The following OAS1 variants were observed in gnomAD, a reference collection of about 807,000 sequenced individuals.
OAS1 encodes the protein 2'-5'-oligoadenylate synthase 1.
A neutral mutation model predicts 38.5 loss-of-function variants in OAS1; 24 were observed. The ratio of observed to expected loss-of-function variants is 0.62; its 90% CI spans 0.45 to 0.88. The LOEUF is 0.88. Ranked by LOEUF, OAS1 falls within the 40% of genes least tolerant of loss-of-function variation. The pLI, the probability that OAS1 is intolerant of heterozygous loss-of-function variation, is 0.00. For synonymous variants in OAS1, 169 were observed against 193.9 expected (o/e 0.87, Z 1.07); for missense variants, 482 against 493.9 (o/e 0.98, Z 0.23).
Position 112,907,104 on chromosome 12 carries a change from C to T in OAS1, c.65C>T (p.Pro22Leu), listed in dbSNP as rs370284276. ...LDKFIEDYLL[P>L]DTCFRMQINH... ...AAGTTCATTGAAGACTATCTCTTGC[C>T]AGACACGTGTTTCCGCATGCAAATC... is the stretch of plus-strand genomic sequence containing the variant. The change falls in exon 1 of 6, where the codon CCA becomes CTA. Residue 22 changes from proline to leucine, a missense_variant. Transcript: ENST00000202917. 7 of 1,614,106 alleles carry T rather than the reference C, an allele frequency of 4.3e-6. No homozygotes were observed. The African/African-American group carries it at 9.3e-5, about 22-fold the overall frequency.
At chr12:112,929,382 G>T (rs2043583313) in intron 6 of OAS1, among the ~76,000 whole-genome samples, 1 of 152,078 alleles carries the variant, frequency 6.6e-6, no homozygotes, top group Admixed American at 6.5e-5. Flanking sequence ...TCTCTCCAGG[G>T]CAATCTCTTT....
Position 112,908,802 on chromosome 12 carries a change from G to A in OAS1, c.447G>A (p.Val149=). 6.3e-7 allele frequency: 1 copy of A among 1,599,966 alleles called. No homozygotes were observed. The highest frequency in any genetic ancestry group is 8.5e-7 in the Non-Finnish European group (1 of 1,170,786). The change falls in exon 2 of 6, where the codon GTG becomes GTA. Residue 149 remains valine, a synonymous_variant. Coordinates refer to ENST00000202917, the MANE Select transcript of OAS1 (RefSeq NM_016816.4). ...TCGGGGAGGGGGTGGAGTTCGATGTGCTGCCTGCCTTTGATGCCCTGGGTG... is the reference window on the plus strand; with the variant it reads ...TCGGGGAGGGGGTGGAGTTCGATGTACTGCCTGCCTTTGATGCCCTGGGTG... ...LQLGEGVEFD[V]LPAFDALGQL...
At chr12:112,921,156 T>C (rs546848763), downstream of OAS1, among the ~76,000 whole-genome samples, 1 of 152,338 alleles carries the variant, frequency 6.6e-6, no homozygotes, top group East Asian at 1.9e-4. Context: ...TAGACTGGAT[T>C]AGATGATGCC....
At chr12:112,931,341 C>A (rs1436102726) in intron 6 of OAS1, among the ~76,000 whole-genome samples, 1 of 152,208 alleles carries the variant, frequency 6.6e-6, no homozygotes, top group Non-Finnish European at 1.5e-5. Flanking sequence ...TGGAGTCCGA[C>A]TGCCTGGGTT....
intron 6 of OAS1, among the ~76,000 whole-genome samples, chr12:112,929,732 C>G (rs917393532): frequency 6.6e-6 from 1 of 152,128 alleles, no homozygotes; most frequent in Non-Finnish European, 1.5e-5. Context: ...TGTCTTCTCA[C>G]CCAGGCAAGA....
chr12:112,931,760 C>T, intron 6 of OAS1: 1 of 548,134 alleles, frequency 1.8e-6, no homozygotes, highest in Non-Finnish European at 3.2e-6. Flanking sequence ...ACAAATAAGA[C>T]CTAGGGTCTC....
In OAS1 at chr12:112,919,846, T is replaced by C. The variant is rs1161029367; in HGVS notation, c.*293T>C. On this transcript the variant is annotated 3_prime_UTR_variant, in exon 6 of 6. Transcript: ENST00000202917. ...CAGCCTTGACTTTCTTCTGTGCACC[T>C]GATGGGAGGGTAATGTCTAATGTAT... 2 of 974,706 alleles carry C rather than the reference T, an allele frequency of 2.1e-6. No individual in the cohort carries two copies. The highest frequency in any genetic ancestry group is 1.5e-6 in the Non-Finnish European group (1 of 679,762). The allele number at this position is 974,706 out of a possible 1,614,324, so 60.4% of individuals were successfully genotyped here.
chr12:112,917,258 G>C (rs2043473662), intron 4 of OAS1, among the ~76,000 whole-genome samples: 1 of 152,148 alleles, frequency 6.6e-6, no homozygotes, highest in Non-Finnish European at 1.5e-5. Context: ...TTACAGATAA[G>C]AATCCTGAGG....
intron 6 of OAS1, among the ~76,000 whole-genome samples, chr12:112,927,653 G>T (rs563891673): frequency 6.6e-6 from 1 of 152,292 alleles, no homozygotes; most frequent in Admixed American, 6.5e-5. Context: ...TGATGAATTA[G>T]TTAGGATAAC....
chr12:112,928,378 G>A (rs181588206), intron 6 of OAS1, among the ~76,000 whole-genome samples: 1 of 152,330 alleles, frequency 6.6e-6, no homozygotes, highest in East Asian at 1.9e-4. Context: ...TTTCTTGAGA[G>A]AAGAGATTTA....
intron 3 of OAS1, among the ~76,000 whole-genome samples, chr12:112,912,233 G>A (rs1241714419): frequency 2.6e-5 from 4 of 152,224 alleles, no homozygotes; most frequent in African/African-American, 9.6e-5. Flanking sequence ...CCAGCTACTG[G>A]GTAGGCTGAG....
chr12:112,925,603 A>G (rs6489866), intron 6 of OAS1, among the ~76,000 whole-genome samples: 113,074 of 152,044 alleles, frequency 0.74, 43,348 homozygotes, highest in African/African-American at 0.94. Context: ...CCTGGGTAAC[A>G]TAGTGAGACC....
In OAS1 at chr12:112,907,004, T is replaced by A; in HGVS notation, c.-36T>A. 1.2e-6 allele frequency: 2 copies of A among 1,611,716 alleles called. No individual in the cohort carries two copies. Among genetic ancestry groups the A allele is most frequent in the Non-Finnish European group, 1.7e-6 (2 of 1,177,910 alleles). ...CAGAAGAGATAAAAGCAAACAGGTC[T>A]GGGAGGCAGTTCTGTTGCCACTCTC... is the stretch of plus-strand genomic sequence containing the variant. On this transcript the variant is annotated 5_prime_UTR_variant, in exon 1 of 6. Transcript: ENST00000202917.
At chr12:112,921,059 C>G (rs530475746), downstream of OAS1, among the ~76,000 whole-genome samples, 1 of 152,208 alleles carries the variant, frequency 6.6e-6, no homozygotes, top group African/African-American at 2.4e-5. Context: ...GAACCAGAAG[C>G]ATCAATGTCC....
intron 4 of OAS1, chr12:112,917,046 C>A (rs2136319668): frequency 5.4e-6 from 2 of 372,400 alleles, no homozygotes; most frequent in South Asian, 3.5e-5. Flanking sequence ...AGAACAGCAG[C>A]AACAACAATG....
In OAS1 at chr12:112,919,849, T is replaced by A; in HGVS notation, c.*296T>A. Reference sequence around the variant, plus strand: ...CCTTGACTTTCTTCTGTGCACCTGATGGGAGGGTAATGTCTAATGTATTAT... The same window carrying A: ...CCTTGACTTTCTTCTGTGCACCTGAAGGGAGGGTAATGTCTAATGTATTAT... On this transcript the variant is annotated 3_prime_UTR_variant, in exon 6 of 6. Coordinates refer to ENST00000202917, the MANE Select transcript of OAS1 (RefSeq NM_016816.4). 1.0e-6 allele frequency: 1 copy of A among 953,358 alleles called. No homozygotes were observed. The highest frequency in any genetic ancestry group is 1.7e-5 in the African/African-American group (1 of 60,578). 59.1% of individuals were successfully genotyped at this position (953,358 alleles called of 1,614,324 possible).
chr12:112,923,200 A>G (rs2043540678), downstream of OAS1, among the ~76,000 whole-genome samples: 1 of 152,206 alleles, frequency 6.6e-6, no homozygotes, highest in Admixed American at 6.5e-5. Flanking sequence ...ATGGGAATGC[A>G]GTTATCTCTT....
chr12:112,919,484 T>C lies in OAS1; in HGVS notation c.1134T>C (p.His378=). 6.2e-7 allele frequency: 1 copy of C among 1,614,178 alleles called. No homozygotes were observed. The highest frequency in any genetic ancestry group is 8.5e-7 in the Non-Finnish European group (1 of 1,180,034). Residue 378 remains histidine, a synonymous_variant, in exon 6 of 6, where the codon CAT becomes CAC. Transcript: ENST00000202917. The part of the protein sequence containing the change: ...IGTHEYPHFS[H]RPSTLQAAST... ...CACATGAGTACCCTCATTTCTCTCATAGACCCAGCACACTCCAGGCAGCAT... is the reference window on the plus strand; with the variant it reads ...CACATGAGTACCCTCATTTCTCTCACAGACCCAGCACACTCCAGGCAGCAT...
downstream of OAS1, among the ~76,000 whole-genome samples, chr12:112,920,388 A>G (rs1023926266): frequency 2.6e-5 from 4 of 152,234 alleles, no homozygotes; most frequent in African/African-American, 4.8e-5. Flanking sequence ...AGTACAAATG[A>G]AAAGAATGCC....
Sources: allele counts gnomAD v4.1 joint callset (sites outside exome capture counted in the v4.1 genomes callset), GRCh38; gene constraint gnomAD v4.1.1; transcripts MANE v1.5; gene names NCBI Gene and HGNC (gene_info 2026-07-23, HGNC 2026-07-21).